The following NOL4 variants were observed in gnomAD, a reference collection of about 807,000 sequenced individuals.
NOL4 encodes cancer/testis antigen 125.
A neutral mutation model predicts 75.9 loss-of-function variants in NOL4; 17 were observed. The ratio of observed to expected loss-of-function variants is 0.22; its 90% confidence interval spans 0.15 to 0.34. The LOEUF is 0.34. Ranked by LOEUF, NOL4 falls within the 10% of genes least tolerant of loss-of-function variation. The pLI is 1.00. For missense variants in NOL4, 614 were observed against 793.5 expected (o/e 0.77, Z 2.72); for synonymous variants, 292 against 289.9 (o/e 1.01, Z -0.07).
chr18:34,132,078 C>A (rs928736107), intron 1 of NOL4, among the ~76,000 whole-genome samples: 1 of 152,192 alleles, frequency 6.6e-6, no homozygotes, highest in Non-Finnish European at 1.5e-5. Flanking sequence ...CCATTCTTTG[C>A]CTCTTCCAGC....
chr18:33,923,967 C>T (rs564634534), intron 9 of NOL4, among the ~76,000 whole-genome samples: 1 of 152,188 alleles, frequency 6.6e-6, no homozygotes, highest in African/African-American at 2.4e-5. Context: ...ATTATTGTTA[C>T]CTTTAAGCAG....
rs1238908205 is a variant in NOL4, at chr18:33,874,167, A to G, written c.1723+9077T>C. Among the ~76,000 whole-genome samples, 3 of 151,848 alleles carry G rather than the reference A, an allele frequency of 2.0e-5. No individual in the cohort carries two copies. The South Asian group carries it at 6.2e-4, about 31-fold the overall frequency. ...TGAAATTGTAAGAGCTATGAGTTCT[A>G]TCTTGGTCATTATGCAGAACACAAG... On this transcript the variant is annotated intron_variant, in intron 10 of 10. Coordinates refer to ENST00000261592, the MANE Select transcript of NOL4 (RefSeq NM_003787.5).
intron 2 of NOL4, chr18:34,128,907 C>A: frequency 1.0e-6 from 1 of 962,050 alleles, no homozygotes; most frequent in Non-Finnish European, 1.2e-6. Flanking sequence ...AAAAATGGAT[C>A]CAGACTGATA....
At chr18:34,147,902 T>C (rs2081473977) in intron 1 of NOL4, among the ~76,000 whole-genome samples, 1 of 152,130 alleles carries the variant, frequency 6.6e-6, no homozygotes, top group African/African-American at 2.4e-5. Context: ...AACTTGTTAT[T>C]GGTCTACTCA....
At chr18:33,862,131 C>A (rs2063172927) in intron 10 of NOL4, among the ~76,000 whole-genome samples, 1 of 152,136 alleles carries the variant, frequency 6.6e-6, no homozygotes, top group Non-Finnish European at 1.5e-5. Flanking sequence ...CTACAACTAT[C>A]TGATCTTTGA....
intron 1 of NOL4, among the ~76,000 whole-genome samples, chr18:34,132,734 C>T (rs902223707): frequency 1.9e-4 from 23 of 122,644 alleles, no homozygotes; most frequent in African/African-American, 4.7e-4. Context: ...GTTTCAAAAA[C>T]GCAAAAAAAA....
chr18:34,005,848 T>C (rs575513995), intron 6 of NOL4, among the ~76,000 whole-genome samples: 27 of 152,028 alleles, frequency 1.8e-4, no homozygotes, highest in Non-Finnish European at 1.0e-4. Context: ...CTGAACTCCA[T>C]GGTTATTTTC....
chr18:34,104,998 G>A (rs760261049), intron 3 of NOL4, 51 bp downstream of exon 3: 2 of 1,085,472 alleles, frequency 1.8e-6, no homozygotes, highest in African/African-American at 1.6e-5. Flanking sequence ...GATACAAATG[G>A]CCATTATGAA....
At chr18:33,883,483 C>A in intron 9 of NOL4, 59 bp from the exon 10 acceptor site, 1 of 1,374,500 alleles carries the variant, frequency 7.3e-7, no homozygotes, top group South Asian at 1.4e-5. Context: ...TCACCTTGAA[C>A]AGGACTACCT....
chr18:34,002,615 T>C (rs1335231860), intron 6 of NOL4, among the ~76,000 whole-genome samples: 1 of 152,038 alleles, frequency 6.6e-6, no homozygotes, highest in Admixed American at 6.6e-5. Context: ...TTCACTCTGG[T>C]ATTTCTAGGT....
At position 34,065,244 on chromosome 18, in the gene NOL4, C is replaced by T. The variant is rs1057113403; in HGVS notation, c.772+28221G>A. Among the ~76,000 whole-genome samples the T allele has an allele frequency of 4.6e-5, 7 of 151,892 alleles. No homozygotes were observed. The East Asian group carries it at 1.2e-3, about 25-fold the overall frequency. ...GTTTATTCTCTCAAGGATCCCCAAT[C>T]ATCTCATAAATTCATTTGATTGTGT... On this transcript the variant is annotated intron_variant, in intron 5 of 10. Coordinates refer to ENST00000261592, the MANE Select transcript of NOL4 (RefSeq NM_003787.5).
chr18:34,036,751 C>T (rs1388244708), intron 5 of NOL4, among the ~76,000 whole-genome samples: 1 of 152,016 alleles, frequency 6.6e-6, no homozygotes, highest in Admixed American at 6.5e-5. Context: ...TGGTGAATCC[C>T]CGTCTCTACT....
chr18:34,195,333 A>C (rs557078110), intron 1 of NOL4, among the ~76,000 whole-genome samples: 1 of 152,272 alleles, frequency 6.6e-6, no homozygotes, highest in South Asian at 2.1e-4. Context: ...CACTTTATGG[A>C]TATTACTATT....
At chr18:33,866,525 TG>T (rs1287130360) in intron 10 of NOL4, among the ~76,000 whole-genome samples, 1 of 152,152 alleles carries the variant, frequency 6.6e-6, no homozygotes, top group Non-Finnish European at 1.5e-5. Context: ...TTCCTCTACT[TG>T]CATTTGCTAA....
chr18:34,059,444 T>G (rs796565761), intron 5 of NOL4, among the ~76,000 whole-genome samples: 4 of 151,968 alleles, frequency 2.6e-5, no homozygotes, highest in African/African-American at 9.7e-5. Context: ...TTAATTCTGA[T>G]TTTTTTTCTT....
At chr18:33,898,357 C>A (rs762280780) in intron 9 of NOL4, among the ~76,000 whole-genome samples, 7 of 152,182 alleles carry the variant, frequency 4.6e-5, no homozygotes, top group Non-Finnish European at 8.8e-5. Flanking sequence ...CTCTCAAATT[C>A]TTACCCCTAG....
chr18:34,050,600 T>C (rs982077948), intron 5 of NOL4, among the ~76,000 whole-genome samples: 1 of 152,108 alleles, frequency 6.6e-6, no homozygotes, highest in African/African-American at 2.4e-5. Context: ...AAAAGTGAGT[T>C]ATAAACAACT....
At chr18:34,222,040 TCTC>T in intron 1 of NOL4, 1 of 1,535,034 alleles carries the variant, frequency 6.5e-7, no homozygotes, top group Non-Finnish European at 8.7e-7. Flanking sequence ...TGCAGAAAGG[TCTC>T]CTGCATCAGA....
intron 9 of NOL4, among the ~76,000 whole-genome samples, chr18:33,931,565 TA>T (rs1380689675): frequency 4.0e-5 from 6 of 151,800 alleles, no homozygotes; most frequent in African/African-American, 1.5e-4. Context: ...ATCCTGTCTC[TA>T]AATTTTTTTG....
Sources: allele counts gnomAD v4.1 joint callset (sites outside exome capture counted in the v4.1 genomes callset), GRCh38; gene constraint gnomAD v4.1.1; transcripts MANE v1.5; gene names NCBI Gene and HGNC (gene_info 2026-07-23, HGNC 2026-07-21).